The following ARMC3 variants were observed in gnomAD, a reference collection of about 807,000 sequenced individuals.
ARMC3 encodes armadillo repeat-containing protein 3.
ARMC3 carries 74 observed loss-of-function variants against 90.3 expected under a neutral mutation model. That is an observed-to-expected ratio of 0.82 (90% CI 0.68 to 0.99). The LOEUF is 0.99. Among genes scored for constraint, ARMC3 ranks in the 50% least tolerant of loss-of-function variants. ARMC3 has a pLI of 0.00. For missense variants in ARMC3, 958 were observed against 1,042.8 expected (o/e 0.92, Z 1.12); for synonymous variants, 334 against 361.8 (o/e 0.92, Z 0.87).
At chr10:23,026,162 C>T (rs1191534150) in intron 16 of ARMC3, among the ~76,000 whole-genome samples, 1 of 152,050 alleles carries the variant, frequency 6.6e-6, no homozygotes, top group African/African-American at 2.4e-5. Flanking sequence ...AAAGAATTAA[C>T]ATCAATTGTA....
At chr10:23,027,889 G>A (rs11013257) in intron 16 of ARMC3, among the ~76,000 whole-genome samples, 20,770 of 151,856 alleles carry the variant, frequency 0.14, 1,874 homozygotes, top group East Asian at 0.35. Flanking sequence ...ACCTGTAATC[G>A]CAGCATTTTG....
At chr10:22,938,082 T>C (rs2131149184) in intron 2 of ARMC3, among the ~76,000 whole-genome samples, 1 of 152,260 alleles carries the variant, frequency 6.6e-6, no homozygotes, top group East Asian at 1.9e-4. Context: ...AAGTATGATA[T>C]GGTAAGGAGT....
chr10:23,019,193 T>C (rs1838408602), intron 16 of ARMC3, among the ~76,000 whole-genome samples: 1 of 152,210 alleles, frequency 6.6e-6, no homozygotes, highest in South Asian at 2.1e-4. Flanking sequence ...TGTGTCAAGC[T>C]GTTTAGGGGT....
In ARMC3 at chr10:22,962,030, A is replaced by G. The variant is rs138681890; in HGVS notation, c.684A>G (p.Leu228=). ...IANDKESRTM[L]RDNQGLDHLI... The stretch of plus-strand genomic sequence containing the variant: ...ATGATAAGGAGTCTCGAACAATGCT[A>G]AGAGACAATCAAGGATTGGACCATC... The change falls in exon 7 of 19, where the codon CTA becomes CTG. Residue 228 remains leucine, a synonymous_variant. Transcript: ENST00000298032. The G allele has an allele frequency of 6.2e-7, 1 of 1,606,054 alleles. No homozygotes were observed. Among genetic ancestry groups the G allele is most frequent in the African/African-American group, 1.3e-5 (1 of 74,518 alleles).
At chr10:22,990,016 T>TCC (rs1452150624) in intron 10 of ARMC3, among the ~76,000 whole-genome samples, 1 of 152,224 alleles carries the variant, frequency 6.6e-6, no homozygotes, top group Non-Finnish European at 1.5e-5. Flanking sequence ...CATAAAATGT[T>TCC]CAATTAGAAA....
chr10:22,969,979 C>T (rs367978851), intron 8 of ARMC3, among the ~76,000 whole-genome samples: 1 of 152,036 alleles, frequency 6.6e-6, no homozygotes, highest in Non-Finnish European at 1.5e-5. Context: ...GGCATTGTAA[C>T]GACCTACTTA....
chr10:23,016,214 A>G lies in ARMC3; in HGVS notation c.2045+7283A>G, dbSNP rs1838263547. Reference sequence around the variant, plus strand: ...CTGCCTGGTATTGTGATTATTTTCCACATAACAAAATCTTCTTGCTTAAAT... The same window carrying G: ...CTGCCTGGTATTGTGATTATTTTCCGCATAACAAAATCTTCTTGCTTAAAT... On this transcript the variant is annotated intron_variant, in intron 16 of 18. Transcript: ENST00000298032. 2.0e-5 allele frequency among the ~76,000 whole-genome samples: 3 copies of G among 152,180 alleles called. No homozygotes were observed. In the South Asian group the frequency reaches 6.2e-4, roughly 32 times the overall value.
intron 6 of ARMC3, chr10:22,959,791 T>G (rs1240422566): frequency 3.2e-6 from 2 of 630,084 alleles, no homozygotes; most frequent in Non-Finnish European, 5.8e-6. Context: ...TGTGAAAAAG[T>G]ATTTTGGAAA....
intron 2 of ARMC3, among the ~76,000 whole-genome samples, chr10:22,933,884 C>CA (rs1325391840): frequency 6.6e-6 from 1 of 152,070 alleles, no homozygotes; most frequent in Non-Finnish European, 1.5e-5. Flanking sequence ...GACTGCATCT[C>CA]AAAAAACAAA....
intron 4 of ARMC3, among the ~76,000 whole-genome samples, chr10:22,956,697 T>G (rs1445291947): frequency 6.7e-6 from 1 of 148,536 alleles, no homozygotes; most frequent in East Asian, 1.9e-4. Context: ...ATATATAATA[T>G]ATATTGAATA....
In ARMC3 at chr10:23,008,749, C is replaced by T. The variant is rs746613325; in HGVS notation, c.1929-66C>T. The stretch of plus-strand genomic sequence containing the variant: ...AAAAATGCCTTGTAAGCTCTAAATG[C>T]AAATGTAATGTATTGTTGTTTTCCA... On this transcript the variant is annotated intron_variant, in intron 15 of 18. Transcript: ENST00000298032. 1.4e-4 allele frequency: 187 copies of T among 1,308,026 alleles called. 1 individual carries two copies. Among genetic ancestry groups the T allele is most frequent in the Non-Finnish European group, 1.9e-4 (179 of 919,850 alleles). 81.0% of individuals were successfully genotyped at this position (1,308,026 alleles called of 1,614,324 possible). A position where few individuals can be genotyped will look rare whatever the true frequency, so the allele number is the denominator to read the frequency against.
At chr10:22,939,647 T>C (rs1834246120) in intron 2 of ARMC3, among the ~76,000 whole-genome samples, 1 of 152,096 alleles carries the variant, frequency 6.6e-6, no homozygotes, top group Admixed American at 6.6e-5. Context: ...AGAACAAAAT[T>C]CAATATCCTT....
chr10:22,943,864 G>A (rs1211718365), intron 2 of ARMC3, among the ~76,000 whole-genome samples: 1 of 151,822 alleles, frequency 6.6e-6, no homozygotes, highest in African/African-American at 2.4e-5. Flanking sequence ...AACCCAGGAG[G>A]TGGAGGTTGC....
intron 17 of ARMC3, among the ~76,000 whole-genome samples, chr10:23,031,388 G>A (rs958510355): frequency 6.6e-6 from 1 of 152,136 alleles, no homozygotes; most frequent in Non-Finnish European, 1.5e-5. Context: ...TAGCTGTAAG[G>A]GGTTAGGAAT....
chr10:22,979,248 C>T (rs571918149), intron 8 of ARMC3, among the ~76,000 whole-genome samples: 3 of 152,320 alleles, frequency 2.0e-5, no homozygotes, highest in African/African-American at 7.2e-5. Flanking sequence ...GCATAACTAT[C>T]TTGCCATCTT....
Position 23,001,448 on chromosome 10 carries a change from C to T in ARMC3, c.1426-471C>T, listed in dbSNP as rs573695496. Among the ~76,000 whole-genome samples the T allele has an allele frequency of 9.9e-5, 15 of 152,262 alleles. No individual in the cohort carries two copies. In the East Asian group the frequency reaches 2.5e-3, roughly 25 times the overall value. On this transcript the variant is annotated intron_variant, in intron 11 of 18. Transcript: ENST00000298032. ...CCTTCTGTCCCCCTCTTATAAAGAT[C>T]CTTGTGATTACACTGAACCCTCCTG...
intron 11 of ARMC3, among the ~76,000 whole-genome samples, chr10:23,000,610 A>C (rs1449785124): frequency 6.6e-6 from 1 of 152,252 alleles, no homozygotes; most frequent in Non-Finnish European, 1.5e-5. Flanking sequence ...TTAATGAATA[A>C]ATTAAATCTT....
At chr10:22,963,939 A>C (rs1304945597) in intron 7 of ARMC3, among the ~76,000 whole-genome samples, 57 of 132,098 alleles carry the variant, frequency 4.3e-4, no homozygotes, top group African/African-American at 1.2e-3. Context: ...AAAAAAAAAA[A>C]AAAAAAAAAA....
Position 23,037,649 on chromosome 10 carries a change from C to T in ARMC3, c.*170C>T. On this transcript the variant is annotated 3_prime_UTR_variant, in exon 19 of 19. Coordinates refer to ENST00000298032, the MANE Select transcript of ARMC3 (RefSeq NM_173081.5). The stretch of plus-strand genomic sequence containing the variant: ...GCTTGGAGTGAACTTTGCTGTGCTT[C>T]TGATTTCAGGCTTTTGGCAAGAGTT... 1 of 642,990 alleles carries T rather than the reference C, an allele frequency of 1.6e-6. No individual in the cohort carries two copies. The highest frequency in any genetic ancestry group is 2.4e-6 in the Non-Finnish European group (1 of 409,388). 39.8% of individuals were successfully genotyped at this position (642,990 alleles called of 1,614,324 possible). A position where few individuals can be genotyped will look rare whatever the true frequency, so the allele number is the denominator to read the frequency against.
Sources: gnomAD v4.1 joint callset for allele counts (sites outside exome capture counted in the v4.1 genomes callset) on GRCh38, gnomAD v4.1.1 for gene constraint, MANE v1.5 for transcripts, NCBI Gene and HGNC (gene_info 2026-07-23, HGNC 2026-07-21) for gene names.